BAHD1: variants seen among roughly 807,000 people sequenced by gnomAD.
BAHD1 encodes bromo adjacent homology domain-containing 1 protein.
Under a neutral mutation model 63.1 loss-of-function variants are expected in BAHD1, and 20 were observed. The observed-to-expected ratio is 0.32, with a 90% CI of 0.22 to 0.46. The LOEUF (loss-of-function observed/expected upper bound fraction) is 0.46. Among genes scored for constraint, BAHD1 ranks in the 20% least tolerant of loss-of-function variants. BAHD1 has a pLI of 1.00. For missense variants in BAHD1, 939 were observed against 1,071.8 expected (o/e 0.88, Z 1.73); for synonymous variants, 408 against 426.8 (o/e 0.96, Z 0.54).
chr15:40,450,435 T>G (rs577053166), intron 1 of BAHD1, among the ~76,000 whole-genome samples: 11 of 152,232 alleles, frequency 7.2e-5, no homozygotes, highest in Admixed American at 7.2e-4. Flanking sequence ...AAGTTGTTGG[T>G]CCATGTAATG....
chr15:40,462,979 A>C (rs1390759085), intron 3 of BAHD1, among the ~76,000 whole-genome samples: 1 of 152,094 alleles, frequency 6.6e-6, no homozygotes, highest in Non-Finnish European at 1.5e-5. Flanking sequence ...TTTAAAATTA[A>C]TTAATTAAAA....
chr15:40,461,700 A>AG (rs1894046247), intron 2 of BAHD1, among the ~76,000 whole-genome samples: 1 of 152,130 alleles, frequency 6.6e-6, no homozygotes, highest in Non-Finnish European at 1.5e-5. Context: ...TCAGACTAAA[A>AG]GGGGAGATGG....
chr15:40,446,638 A>G (rs113949030), intron 1 of BAHD1, among the ~76,000 whole-genome samples: 3 of 152,338 alleles, frequency 2.0e-5, no homozygotes, highest in African/African-American at 7.2e-5. Context: ...ATTTCTAAGC[A>G]CTATGACCAA....
At chr15:40,448,039 C>G (rs890000451) in intron 1 of BAHD1, among the ~76,000 whole-genome samples, 1 of 152,072 alleles carries the variant, frequency 6.6e-6, no homozygotes, top group Admixed American at 6.6e-5. Context: ...GTCAGGAGAT[C>G]GAGACCATCC....
chr15:40,446,726 T>G lies in BAHD1; in HGVS notation c.-15+5458T>G, dbSNP rs373826718. 1.1e-4 allele frequency among the ~76,000 whole-genome samples: 17 copies of G among 152,336 alleles called. No homozygotes were observed. The East Asian group carries it at 1.5e-3, about 14-fold the overall frequency. On this transcript the variant is annotated intron_variant, in intron 1 of 6. Coordinates refer to ENST00000416165, the MANE Select transcript of BAHD1 (RefSeq NM_014952.5). ...GGCAGGAACTTGGGTCTCAATATTT[T>G]TTCTTGCATGTGTTCCTTTTCCAGT... is the stretch of plus-strand genomic sequence containing the variant.
At chr15:40,459,979 G>C (rs1018516433) in intron 2 of BAHD1, 83 bp downstream of exon 2, 20 of 1,448,984 alleles carry the variant, frequency 1.4e-5, no homozygotes, top group African/African-American at 2.8e-5. Context: ...TCTGAGCAGG[G>C]GTCTCCCTTG....
upstream of BAHD1, among the ~76,000 whole-genome samples, chr15:40,438,642 C>T (rs1190702720): frequency 1.3e-5 from 2 of 152,112 alleles, no homozygotes; most frequent in Admixed American, 6.5e-5. Context: ...CCACTGAGAC[C>T]CCAGATAAGA....
chr15:40,454,988 C>G (rs891087905), intron 1 of BAHD1, among the ~76,000 whole-genome samples: 1 of 152,188 alleles, frequency 6.6e-6, no homozygotes, highest in Admixed American at 6.5e-5. Flanking sequence ...AAGTTGCAGC[C>G]GAGCTTCTTG....
rs543943654 is a variant in BAHD1 at position 40,442,087 on chromosome 15, G to T, written c.-15+819G>T. Among the ~76,000 whole-genome samples, 347 of 152,262 alleles carry T rather than the reference G, an allele frequency of 2.3e-3. 6 individuals are homozygous for T. The highest frequency in any genetic ancestry group is 6.2e-4 in the South Asian group (3 of 4,834). On this transcript the variant is annotated intron_variant, in intron 1 of 6. Coordinates refer to ENST00000416165, the MANE Select transcript of BAHD1 (RefSeq NM_014952.5). ...CAAGTGACAGCGGGACCCTGTGCTCGCGGCCCGGCCTGGTCTTGCCCTGCT... is the reference window on the plus strand; with the variant it reads ...CAAGTGACAGCGGGACCCTGTGCTCTCGGCCCGGCCTGGTCTTGCCCTGCT...
At chr15:40,465,178 G>C (rs1160793460) in intron 5 of BAHD1, 157 bp from the exon 6 acceptor site, 1 of 641,984 alleles carries the variant, frequency 1.6e-6, no homozygotes, top group Non-Finnish European at 2.8e-6. Flanking sequence ...GGAATGCCTG[G>C]AGGCAGTAGG....
rs1037677523 is a variant in BAHD1, at chr15:40,458,124, G to A, written c.-14-327G>A. On this transcript the variant is annotated intron_variant, in intron 1 of 6. Transcript: ENST00000416165. The surrounding 1 kb of genome is among the most constrained non-coding windows in gnomAD (Gnocchi z 4.7). ...AATATCTAGTGAGAGAAGGACAGGG[G>A]GAGAGAACAAAGAGCTTTGCCACCA... Among the ~76,000 whole-genome samples the A allele has an allele frequency of 6.6e-6, 1 of 152,170 alleles. No homozygotes were observed. Among genetic ancestry groups the A allele is most frequent in the East Asian group, 1.9e-4 (1 of 5,200 alleles).
rs762185117 is a variant in BAHD1, at chr15:40,461,914, G to A, written c.1435G>A (p.Gly479Ser). ...TGACCACTCTCTCCCTTTCCTAGAA[G>A]GCTGCAGATCCCTGGGCCAGTTGGA... is the stretch of plus-strand genomic sequence containing the variant. The part of the protein sequence containing the change: ...CPYKMPFAAE[G>S]CRSLGQLEFP... The change falls in exon 3 of 7, where the codon GGC becomes AGC. Residue 479 changes from glycine to serine, a missense_variant and splice_region_variant. Coordinates refer to ENST00000416165, the MANE Select transcript of BAHD1 (RefSeq NM_014952.5). 13 of 1,590,912 alleles carry A rather than the reference G, an allele frequency of 8.2e-6. No individual in the cohort carries two copies. In the East Asian group the frequency reaches 2.9e-4, roughly 36 times the overall value.
chr15:40,466,185 G>A lies in BAHD1; in HGVS notation c.*55G>A, dbSNP rs1595866020. 6 of 1,553,118 alleles carry A rather than the reference G, an allele frequency of 3.9e-6. No homozygotes were observed. The highest frequency in any genetic ancestry group is 5.3e-6 in the Non-Finnish European group (6 of 1,142,044). Reference sequence around the variant, plus strand: ...TGGGCAAGTGGGGCTCGGGGTAGGGGGCACTGCTTGAAGCACAGCACTTGG... The same window carrying A: ...TGGGCAAGTGGGGCTCGGGGTAGGGAGCACTGCTTGAAGCACAGCACTTGG... On this transcript the variant is annotated 3_prime_UTR_variant, in exon 7 of 7. Transcript: ENST00000416165.
chr15:40,457,644 C>G (rs1315112073), intron 1 of BAHD1, among the ~76,000 whole-genome samples: 1 of 152,222 alleles, frequency 6.6e-6, no homozygotes, highest in African/African-American at 2.4e-5. Context: ...TCTTGTCCTC[C>G]TGTGGCCAAC....
rs149388991 is a variant in BAHD1 at position 40,453,085 on chromosome 15, G to A, written c.-14-5366G>A. Among the ~76,000 whole-genome samples the A allele has an allele frequency of 8.1e-4, 123 of 152,288 alleles. 1 individual carries two copies. Among genetic ancestry groups the A allele is most frequent in the East Asian group, 2.3e-3 (12 of 5,180 alleles). On this transcript the variant is annotated intron_variant, in intron 1 of 6. Transcript: ENST00000416165. ...CCAGGGCCAGCTGCCCTCCTCTGTC[G>A]GGTTGGAAGGATGGGGGAGGTTGGC...
intron 1 of BAHD1, among the ~76,000 whole-genome samples, chr15:40,451,962 G>T (rs980974396): frequency 2.0e-5 from 3 of 152,210 alleles, no homozygotes; most frequent in Non-Finnish European, 4.4e-5. Context: ...TCGTAAGGCA[G>T]AACACTGGTA....
intron 1 of BAHD1, among the ~76,000 whole-genome samples, chr15:40,455,824 T>C (rs978666353): frequency 2.0e-5 from 3 of 152,176 alleles, no homozygotes; most frequent in African/African-American, 7.2e-5. Context: ...TCCAGGCCAT[T>C]TGGGAGTTGG....
In BAHD1 at chr15:40,448,629, C is replaced by T. The variant is rs62018026; in HGVS notation, c.-15+7361C>T. On this transcript the variant is annotated intron_variant, in intron 1 of 6. Coordinates refer to ENST00000416165, the MANE Select transcript of BAHD1 (RefSeq NM_014952.5). The stretch of plus-strand genomic sequence containing the variant: ...ATGGTTCATTACAGCTTCCACCTAC[C>T]GGGCTCAAGTGATCCTCCCACCTCA... 1.2e-4 allele frequency among the ~76,000 whole-genome samples: 19 copies of T among 152,206 alleles called. No homozygotes were observed. The South Asian group carries it at 2.5e-3, about 20-fold the overall frequency.
chr15:40,464,446 C>T, intron 4 of BAHD1, 25 bp from the exon 5 acceptor site: 1 of 1,603,064 alleles, frequency 6.2e-7, no homozygotes, highest in Non-Finnish European at 8.5e-7. Flanking sequence ...CAGTTCAAGC[C>T]ATAACCACTG....
Sources: allele counts gnomAD v4.1 joint callset (sites outside exome capture counted in the v4.1 genomes callset), GRCh38; gene constraint gnomAD v4.1.1; non-coding constraint Gnocchi (gnomAD v3.1); transcripts MANE v1.5; gene names NCBI Gene and HGNC (gene_info 2026-07-23, HGNC 2026-07-21).